XKR4: variants seen among roughly 807,000 people sequenced by gnomAD.
XKR4 encodes the protein XK-related protein 4.
XKR4 carries 12 observed loss-of-function variants against 53.9 expected under a neutral mutation model. The observed-to-expected ratio is 0.22, with a 90% CI of 0.14 to 0.36. The LOEUF is 0.36. Ranked by LOEUF, XKR4 falls within the 10% of genes least tolerant of loss-of-function variation. The pLI, the probability that XKR4 is intolerant of heterozygous loss-of-function variation, is 1.00. For missense variants in XKR4, 799 were observed against 859.5 expected, an observed-to-expected ratio of 0.93 and a Z score of 0.88; for synonymous variants, 354 against 362.4, an observed-to-expected ratio of 0.98 and a Z score of 0.26.
At chr8:55,456,246 A>G (rs1171305950) in intron 2 of XKR4, among the ~76,000 whole-genome samples, 1 of 152,168 alleles carries the variant, frequency 6.6e-6, no homozygotes, top group Non-Finnish European at 1.5e-5. Context: ...AGCCTGACCA[A>G]CATGGAGAAA....
chr8:55,250,154 T>C (rs1046366110), intron 1 of XKR4, among the ~76,000 whole-genome samples: 7 of 152,198 alleles, frequency 4.6e-5, no homozygotes, highest in Non-Finnish European at 1.0e-4. Flanking sequence ...TCCTGATGGT[T>C]TCACTAGAAA....
intron 1 of XKR4, among the ~76,000 whole-genome samples, chr8:55,257,695 T>C (rs1228747605): frequency 2.6e-5 from 4 of 152,218 alleles, no homozygotes; most frequent in Non-Finnish European, 4.4e-5. Flanking sequence ...TTCAGGAGTA[T>C]GTTTAGTTAT....
rs28373839 is a variant in XKR4 at position 55,130,157 on chromosome 8, T to C, written c.806+26863T>C. Among the ~76,000 whole-genome samples, 843 of 152,238 alleles carry C rather than the reference T, an allele frequency of 5.5e-3. 4 individuals carry two copies. Among genetic ancestry groups the C allele is most frequent in the African/African-American group, 7.2e-3 (299 of 41,532 alleles). On this transcript the variant is annotated intron_variant, in intron 1 of 2. Transcript: ENST00000327381. ...GGTACTATTATTGGCATCAAAGATA[T>C]AGCAACTTACATTCCAGAGAGGAAA...
intron 1 of XKR4, among the ~76,000 whole-genome samples, chr8:55,330,001 T>A (rs116150189): frequency 0.011 from 1,726 of 152,296 alleles, 26 homozygotes; most frequent in African/African-American, 0.039. Context: ...AATTCTAGGA[T>A]TATGTGAACA....
intron 1 of XKR4, among the ~76,000 whole-genome samples, chr8:55,347,442 G>A (rs7823351): frequency 0.02 from 3,062 of 152,270 alleles, 92 homozygotes; most frequent in African/African-American, 0.069. Context: ...AAAATGCTAA[G>A]GAAATCACAA....
chr8:55,291,471 A>G (rs528435295), intron 1 of XKR4, among the ~76,000 whole-genome samples: 8 of 152,306 alleles, frequency 5.3e-5, no homozygotes, highest in South Asian at 2.1e-4. Context: ...CATCTTTACT[A>G]TGCTGACTCT....
At chr8:55,230,086 C>T (rs1818010643) in intron 1 of XKR4, among the ~76,000 whole-genome samples, 1 of 152,112 alleles carries the variant, frequency 6.6e-6, no homozygotes, top group South Asian at 2.1e-4. Flanking sequence ...CCATTTTCTT[C>T]CCACTGAAGT....
chr8:55,184,230 G>T (rs1817349134), intron 1 of XKR4, among the ~76,000 whole-genome samples: 4 of 152,078 alleles, frequency 2.6e-5, no homozygotes, highest in East Asian at 1.9e-4. Flanking sequence ...CATCTTGGTT[G>T]GTTGCTGTCC....
At chr8:55,280,734 ATTATTCAGAGACCAT>A (rs1339484863) in intron 1 of XKR4, among the ~76,000 whole-genome samples, 7 of 152,226 alleles carry the variant, frequency 4.6e-5, no homozygotes, top group African/African-American at 7.2e-5. Flanking sequence ...GAAAACATAA[ATTATTCAGAGACCAT>A]TTAATGATAA....
chr8:55,302,469 G>C (rs1431699593), intron 1 of XKR4, among the ~76,000 whole-genome samples: 1 of 152,194 alleles, frequency 6.6e-6, no homozygotes, highest in Non-Finnish European at 1.5e-5. Context: ...GGATTGACTT[G>C]ACAATGTGGG....
chr8:55,141,902 G>A (rs1380515302), intron 1 of XKR4, among the ~76,000 whole-genome samples: 1 of 152,056 alleles, frequency 6.6e-6, no homozygotes, highest in Non-Finnish European at 1.5e-5. Context: ...TGCATAGTCC[G>A]CAGGAGCTCT....
intron 2 of XKR4, chr8:55,454,233 C>G (rs529760682): frequency 8.8e-7 from 1 of 1,142,786 alleles, no homozygotes; most frequent in Admixed American, 1.7e-5. Context: ...GGGATGGTCA[C>G]CGTCTCTCCA....
intron 1 of XKR4, among the ~76,000 whole-genome samples, chr8:55,108,216 G>A (rs1007634758): frequency 4.6e-5 from 7 of 152,072 alleles, no homozygotes; most frequent in Non-Finnish European, 1.0e-4. Context: ...AAAGAACAAG[G>A]CAGGTTAAGT....
intron 1 of XKR4, among the ~76,000 whole-genome samples, chr8:55,293,766 T>C (rs918212868): frequency 2.0e-5 from 3 of 152,202 alleles, no homozygotes; most frequent in African/African-American, 7.2e-5. Context: ...TGGGTACTTA[T>C]AGGATTCAAA....
At chr8:55,238,017 T>C (rs1818158555) in intron 1 of XKR4, among the ~76,000 whole-genome samples, 1 of 151,948 alleles carries the variant, frequency 6.6e-6, no homozygotes, top group African/African-American at 2.4e-5. Context: ...CAAACAGAAG[T>C]CTTGGTCACA....
chr8:55,161,104 G>A (rs1022700068), intron 1 of XKR4, among the ~76,000 whole-genome samples: 1 of 152,122 alleles, frequency 6.6e-6, no homozygotes, highest in East Asian at 1.9e-4. Context: ...AGTATTGCCA[G>A]CACCTGGACC....
chr8:55,498,583 A>C (rs1309765041), intron 2 of XKR4, among the ~76,000 whole-genome samples: 1 of 152,158 alleles, frequency 6.6e-6, no homozygotes, highest in African/African-American at 2.4e-5. Flanking sequence ...ATTTTGGACC[A>C]GCCTGGATAA....
intron 2 of XKR4, among the ~76,000 whole-genome samples, chr8:55,443,566 G>GGGA (rs1805301764): frequency 6.9e-6 from 1 of 145,408 alleles, no homozygotes; most frequent in South Asian, 2.2e-4. Context: ...ACAGAAGGAG[G>GGGA]GGAGCAGTGG....
At chr8:55,268,510 A>C (rs897601732) in intron 1 of XKR4, among the ~76,000 whole-genome samples, 2 of 152,202 alleles carry the variant, frequency 1.3e-5, no homozygotes, top group Admixed American at 6.5e-5. Flanking sequence ...ATGCCGCATT[A>C]CATAATTAGG....
Sources: allele counts gnomAD v4.1 joint callset (sites outside exome capture counted in the v4.1 genomes callset), GRCh38; gene constraint gnomAD v4.1.1; transcripts MANE v1.5; gene names NCBI Gene and HGNC (gene_info 2026-07-23, HGNC 2026-07-21).